The following SMAD5 variants were observed in gnomAD, a reference collection of about 807,000 sequenced individuals.
SMAD5 encodes the protein MAD, mothers against decapentaplegic homolog 5.
Under a neutral mutation model 43.1 loss-of-function variants are expected in SMAD5, and 9 were observed. The observed-to-expected ratio is 0.21, with a 90% CI of 0.13 to 0.36. SMAD5 has a LOEUF of 0.36. Ranked by LOEUF, SMAD5 falls within the 10% of genes least tolerant of loss-of-function variation. SMAD5 has a pLI of 1.00. For synonymous variants in SMAD5, 190 were observed against 192.4 expected (o/e 0.99, Z 0.10); for missense variants, 348 against 574.0 (o/e 0.61, Z 4.02).
In SMAD5 at chr5:136,160,974, A is replaced by G. The variant is rs931298222; in HGVS notation, c.522A>G (p.Pro174=). 3.7e-6 allele frequency: 6 copies of G among 1,613,830 alleles called. No homozygotes were observed. The highest frequency in any genetic ancestry group is 1.3e-5 in the African/African-American group (1 of 74,908). ...EPHMPQNATF[P]DSFHQPNNTP... is the part of the protein sequence containing the mutation. ...ACATGCCACAAAATGCCACGTTTCC[A>G]GATTCTTTCCACCAGCCCAACAACA... Residue 174 remains proline (P), a synonymous_variant, in exon 4 of 8, where the codon CCA becomes CCG. Transcript: ENST00000545279.
At chr5:136,165,689 T>A (rs1323472605) in intron 5 of SMAD5, among the ~76,000 whole-genome samples, 1 of 121,746 alleles carries the variant, frequency 8.2e-6, no homozygotes, top group African/African-American at 3.4e-5. Flanking sequence ...TTTTTTTTTT[T>A]TTTTTTTTTT....
At chr5:136,141,766 T>C (rs554640774) in intron 1 of SMAD5, among the ~76,000 whole-genome samples, 7 of 152,338 alleles carry the variant, frequency 4.6e-5, no homozygotes, top group Admixed American at 2.0e-4. Context: ...TAGAGTACTA[T>C]AGTTATGGAA....
At chr5:136,156,879 A>G (rs962285137) in intron 3 of SMAD5, among the ~76,000 whole-genome samples, 1 of 152,206 alleles carries the variant, frequency 6.6e-6, no homozygotes, top group Middle Eastern at 3.2e-3. Flanking sequence ...GAAAGAGACT[A>G]TAGAGACCTC....
intron 7 of SMAD5, among the ~76,000 whole-genome samples, chr5:136,176,779 A>C (rs970333823): frequency 5.3e-5 from 8 of 152,194 alleles, no homozygotes; most frequent in African/African-American, 1.9e-4. Flanking sequence ...TAATACAGTT[A>C]AAATTTTTCC....
chr5:136,178,979 G>C lies in SMAD5; in HGVS notation c.*1499G>C, dbSNP rs1754524370. 6.6e-6 allele frequency: 1 copy of C among 152,368 alleles called. No individual in the cohort carries two copies. The highest frequency in any genetic ancestry group is 2.4e-5 in the African/African-American group (1 of 41,410). The allele number at this position is 152,368 out of a possible 1,614,324, so 9.4% of individuals were successfully genotyped here. A position where few individuals can be genotyped will look rare whatever the true frequency, so the allele number is the denominator to read the frequency against. On this transcript the variant is annotated 3_prime_UTR_variant, in exon 8 of 8. Coordinates refer to ENST00000545279, the MANE Select transcript of SMAD5 (RefSeq NM_005903.7). Reference sequence around the variant, plus strand: ...GAGGCAGAAGAATCACTTGAACCTGGGAGGCGGAGGTTGTGGTGAGCCGAG... The same window carrying C: ...GAGGCAGAAGAATCACTTGAACCTGCGAGGCGGAGGTTGTGGTGAGCCGAG...
chr5:136,158,425 G>A (rs953927081), intron 3 of SMAD5, among the ~76,000 whole-genome samples: 3 of 151,940 alleles, frequency 2.0e-5, no homozygotes, highest in African/African-American at 7.2e-5. Flanking sequence ...CTGCCGACAA[G>A]CAAAAAAAAT....
chr5:136,150,493 G>A (rs754789752), intron 2 of SMAD5, among the ~76,000 whole-genome samples: 1 of 151,826 alleles, frequency 6.6e-6, no homozygotes, highest in Non-Finnish European at 1.5e-5. Flanking sequence ...TACTGTATTT[G>A]GGAAGTTATG....
intron 5 of SMAD5, among the ~76,000 whole-genome samples, chr5:136,170,610 C>A (rs1045360063): frequency 2.0e-5 from 3 of 152,036 alleles, no homozygotes; most frequent in Non-Finnish European, 2.9e-5. Context: ...TTGTCTATAT[C>A]CAAAAAATAG....
chr5:136,143,977 T>C (rs1338769360), intron 1 of SMAD5, among the ~76,000 whole-genome samples: 1 of 152,092 alleles, frequency 6.6e-6, no homozygotes, highest in Non-Finnish European at 1.5e-5. Context: ...GTTCTTTCTG[T>C]TCCATGTATG....
chr5:136,161,832 T>A (rs1328803603), intron 4 of SMAD5, among the ~76,000 whole-genome samples: 1 of 152,216 alleles, frequency 6.6e-6, no homozygotes, highest in Non-Finnish European at 1.5e-5. Context: ...GATAACGTCT[T>A]GGAAACTGAC....
intron 5 of SMAD5, among the ~76,000 whole-genome samples, chr5:136,169,891 A>G (rs368567303): frequency 6.6e-6 from 1 of 152,196 alleles, no homozygotes; most frequent in African/African-American, 2.4e-5. Context: ...ATCTTTTCAC[A>G]TGCTTACTTG....
At chr5:136,140,253 C>T (rs1753030608) in intron 1 of SMAD5, among the ~76,000 whole-genome samples, 1 of 152,056 alleles carries the variant, frequency 6.6e-6, no homozygotes, top group Non-Finnish European at 1.5e-5. Context: ...GAACTCCTGA[C>T]CTCAGGTAAT....
intron 1 of SMAD5, among the ~76,000 whole-genome samples, chr5:136,139,275 AGAACAG>A (rs1752992125): frequency 6.6e-6 from 1 of 152,074 alleles, no homozygotes; most frequent in Non-Finnish European, 1.5e-5. Context: ...ACCTTAGGTA[AGAACAG>A]GACCTTTGGG....
intron 4 of SMAD5, among the ~76,000 whole-genome samples, chr5:136,161,934 A>G (rs1247277500): frequency 1.3e-5 from 2 of 152,252 alleles, no homozygotes; most frequent in Non-Finnish European, 2.9e-5. Context: ...TTCTGGTCAC[A>G]AAAATATCAC....
At chr5:136,140,491 T>C (rs1352370920) in intron 1 of SMAD5, among the ~76,000 whole-genome samples, 1 of 152,184 alleles carries the variant, frequency 6.6e-6, no homozygotes, top group Non-Finnish European at 1.5e-5. Context: ...CTAGCCAGTA[T>C]ATGCTCTTCA....
intron 5 of SMAD5, among the ~76,000 whole-genome samples, chr5:136,166,211 T>G (rs1007016371): frequency 4.6e-5 from 7 of 151,940 alleles, no homozygotes; most frequent in Non-Finnish European, 1.0e-4. Flanking sequence ...TTGTATATCT[T>G]TATGGTGTCA....
intron 1 of SMAD5, among the ~76,000 whole-genome samples, chr5:136,144,068 G>C (rs949821852): frequency 2.6e-5 from 4 of 152,026 alleles, no homozygotes; most frequent in Non-Finnish European, 5.9e-5. Context: ...ATCTGAGTCT[G>C]AAAGTGTTTG....
chr5:136,147,807 C>G (rs1325788356), intron 1 of SMAD5, 25 bp from the exon 2 acceptor site: 1 of 144,136 alleles, frequency 6.9e-6, no homozygotes, highest in African/African-American at 2.7e-5. Context: ...GATTCCTTTG[C>G]TTAAGCAATT....
Position 136,177,454 on chromosome 5 carries a change from C to T in SMAD5, c.1372C>T (p.Leu458=), listed in dbSNP as rs1288371408. The T allele has an allele frequency of 6.2e-7, 1 of 1,612,054 alleles. No individual in the cohort carries two copies. Residue 458 remains leucine, a synonymous_variant, in exon 8 of 8, where the codon CTG becomes TTG. Transcript: ENST00000545279. ...AGTCCTTACTCAGATGGGCTCCCCT[C>T]TGAACCCCATATCTTCTGTTTCATA... ...DKVLTQMGSP[L]NPISSVS
Sources: gnomAD v4.1 joint callset for allele counts (sites outside exome capture counted in the v4.1 genomes callset) on GRCh38, gnomAD v4.1.1 for gene constraint, MANE v1.5 for transcripts, NCBI Gene and HGNC (gene_info 2026-07-23, HGNC 2026-07-21) for gene names.